Variants in ESYT3 observed in about 807,000 individuals in gnomAD.
ESYT3 encodes the protein extended synaptotagmin 3, also known as extended synaptotagmin-3.
A neutral mutation model predicts 111.5 loss-of-function variants in ESYT3; 101 were observed. That is an observed-to-expected ratio of 0.91 (90% CI 0.77 to 1.07). The LOEUF (loss-of-function observed/expected upper bound fraction) is 1.07, where lower values mean the gene tolerates loss of function less well. Among genes scored for constraint, ESYT3 ranks in the 50% least tolerant of loss-of-function variants. ESYT3 has a pLI of 0.00. For missense variants in ESYT3, 1,097 were observed against 1,109.4 expected, an observed-to-expected ratio of 0.99 and a Z score of 0.16; for synonymous variants, 416 against 446.8, an observed-to-expected ratio of 0.93 and a Z score of 0.87.
chr3:138,458,562 C>T (rs2032432494), intron 4 of ESYT3, among the ~76,000 whole-genome samples: 1 of 152,264 alleles, frequency 6.6e-6, no homozygotes, highest in Non-Finnish European at 1.5e-5. Context: ...GGCTGCCCCT[C>T]TCCCTTCCCT....
intron 18 of ESYT3, 45 bp from the exon 19 acceptor site, chr3:138,473,491 C>T (rs2033336743): frequency 2.6e-6 from 4 of 1,548,004 alleles, no homozygotes; most frequent in Non-Finnish European, 3.6e-6. Context: ...GGAAGAGGGC[C>T]AATGCTTGTT....
chr3:138,435,004 G>T lies in ESYT3; in HGVS notation c.206G>T (p.Trp69Leu). The change falls in exon 1 of 23, where the codon TGG (tryptophan) becomes TTG (leucine). Residue 69 changes from tryptophan to leucine, a missense_variant. Physicochemically the swap from Trp to Leu is moderately conservative, Grantham distance 61. Coordinates refer to ENST00000389567, the MANE Select transcript of ESYT3 (RefSeq NM_031913.5). The surrounding 1 kb of genome is among the most constrained non-coding windows in gnomAD (Gnocchi z 4.8). ...TGGTTGCTGCTCGGCGCCCTGCTGT[G>T]GATGTGGTGGCGCAGGAACCGCCGC... ...ITWLLLGALLWMWWRRNRRGK... is the reference protein window; with the variant it reads ...ITWLLLGALLLMWWRRNRRGK... The T allele has an allele frequency of 1.9e-5, 30 of 1,569,220 alleles. No homozygotes were observed. Among genetic ancestry groups the T allele is most frequent in the Non-Finnish European group, 2.6e-5 (30 of 1,156,796 alleles).
intron 20 of ESYT3, among the ~76,000 whole-genome samples, chr3:138,475,883 G>T (rs763055810): frequency 2.6e-5 from 4 of 152,174 alleles, no homozygotes; most frequent in African/African-American, 9.7e-5. Flanking sequence ...CCAAGATCGC[G>T]CCATTGCACT....
At chr3:138,457,738 C>T (rs2032380762) in intron 4 of ESYT3, 94 bp downstream of exon 4, 6 of 1,229,050 alleles carry the variant, frequency 4.9e-6, no homozygotes, top group Non-Finnish European at 5.9e-6. Flanking sequence ...TATACTCTGA[C>T]TTGGGATGTG....
At position 138,473,583 on chromosome 3, in the gene ESYT3, T is replaced by A. The variant is rs904518860; in HGVS notation, c.2285T>A (p.Val762Glu). 7 of 1,613,898 alleles carry A rather than the reference T, an allele frequency of 4.3e-6. No individual in the cohort carries two copies. The highest frequency in any genetic ancestry group is 5.9e-6 in the Non-Finnish European group (7 of 1,179,872). ...CAGCTGGGTGAGATTCAGCTCACAG[T>A]GCGCTATGTGTGTCTGCGGCGCTGC... ...RRQLGEIQLT[V>E]RYVCLRRCLS... Residue 762 changes from valine (V) to glutamate (E), a missense_variant, in exon 19 of 23, where the codon GTG becomes GAG. Val to Glu is a moderately radical substitution (Grantham distance 121, BLOSUM62 -2). Coordinates refer to ENST00000389567, the MANE Select transcript of ESYT3 (RefSeq NM_031913.5).
downstream of ESYT3, chr3:138,480,058 C>T (rs1169178454): frequency 2.0e-5 from 3 of 152,038 alleles, no homozygotes; most frequent in Non-Finnish European, 4.4e-5. Context: ...TATACAACTT[C>T]CAAATTAGCA....
rs150411096 is a variant in ESYT3, at chr3:138,464,345, G to T, written c.916G>T (p.Gly306Trp). 6.2e-7 allele frequency: 1 copy of T among 1,613,982 alleles called. No homozygotes were observed. The highest frequency in any genetic ancestry group is 8.5e-7 in the Non-Finnish European group (1 of 1,179,914). ...LTNLRFPLPC[G>W]VIRVHLLEAE... is the part of the protein sequence containing the mutation. ...AGCCCTGGGCTTGGACATTTTCCAGGGGGTGATCAGAGTGCACTTGCTGGA... is the reference window on the plus strand; with the variant it reads ...AGCCCTGGGCTTGGACATTTTCCAGTGGGTGATCAGAGTGCACTTGCTGGA... Residue 306 changes from glycine to tryptophan, a missense_variant and splice_region_variant, in exon 9 of 23, where the codon GGG (glycine) becomes TGG (tryptophan). Transcript: ENST00000389567.
intron 7 of ESYT3, among the ~76,000 whole-genome samples, chr3:138,461,543 A>G (rs2032641123): frequency 6.6e-6 from 1 of 152,112 alleles, no homozygotes; most frequent in Non-Finnish European, 1.5e-5. Context: ...CATGGATCTC[A>G]CCCACACTGG....
At chr3:138,449,735 A>G (rs2031800704) in intron 1 of ESYT3, among the ~76,000 whole-genome samples, 1 of 152,232 alleles carries the variant, frequency 6.6e-6, no homozygotes, top group Non-Finnish European at 1.5e-5. Context: ...TGGTGAGGTC[A>G]GCAAGTTCCT....
chr3:138,447,464 G>T (rs571589805), intron 1 of ESYT3, among the ~76,000 whole-genome samples: 1 of 152,166 alleles, frequency 6.6e-6, no homozygotes, highest in African/African-American at 2.4e-5. Flanking sequence ...ATAGAAAAAT[G>T]AGAGCAGAAT....
Position 138,472,444 on chromosome 3 carries a change from A to G in ESYT3, c.1822A>G (p.Lys608Glu), listed in dbSNP as rs1297142909. ...AAAGAAAGGCCCTCTGCTCATCAAG[A>G]AAGTGGCTACCAACCAGGGTCCCAA... ...ALKKGPLLIK[K>E]VATNQGPKAQ... Residue 608 changes from lysine to glutamate, a missense_variant, in exon 18 of 23, where the codon AAA (lysine) becomes GAA (glutamate). By Grantham distance (56) the Lys-to-Glu change is moderately conservative. Transcript: ENST00000389567. 3 of 1,614,206 alleles carry G rather than the reference A, an allele frequency of 1.9e-6. No homozygotes were observed. The highest frequency in any genetic ancestry group is 2.5e-6 in the Non-Finnish European group (3 of 1,180,040).
chr3:138,448,588 CG>C (rs1277959666), intron 1 of ESYT3, among the ~76,000 whole-genome samples: 1 of 151,994 alleles, frequency 6.6e-6, no homozygotes, highest in African/African-American at 2.4e-5. Context: ...AAGACCTAAA[CG>C]TGAAAGCCAA....
rs398040196 is a variant in ESYT3 at position 138,449,082 on chromosome 3, C to CTTTT, written c.328-2949_328-2946dup. 7.0e-4 allele frequency among the ~76,000 whole-genome samples: 79 copies of CTTTT among 113,112 alleles called. 3 individuals are homozygous for CTTTT. In the East Asian group the frequency reaches 7.5e-3, roughly 11 times the overall value. 74.2% of individuals were successfully genotyped at this position (113,112 alleles called of 152,430 possible). On this transcript the variant is annotated intron_variant, in intron 1 of 22. Transcript: ENST00000389567. ...CTGTTGCTGCCTACACTTTCTTTTTCTTTTTTTTTTTTTTTTTTTTGAGAT... is the reference window on the plus strand; with the variant it reads ...CTGTTGCTGCCTACACTTTCTTTTTCTTTTTTTTTTTTTTTTTTTTTTTTGAGAT...
chr3:138,451,562 G>A (rs1255696406), intron 1 of ESYT3, among the ~76,000 whole-genome samples: 1 of 152,246 alleles, frequency 6.6e-6, no homozygotes. Flanking sequence ...GGGTTTCCAG[G>A]TTGGGGGTCC....
chr3:138,466,329 T>C (rs1250498099), intron 10 of ESYT3, among the ~76,000 whole-genome samples: 1 of 152,208 alleles, frequency 6.6e-6, no homozygotes, highest in African/African-American at 2.4e-5. Flanking sequence ...TTTTGAAAAG[T>C]AGAAACAAAA....
chr3:138,469,464 A>G lies in ESYT3; in HGVS notation c.1463A>G (p.Tyr488Cys). The G allele has an allele frequency of 1.2e-6, 2 of 1,614,080 alleles. No individual in the cohort carries two copies. The highest frequency in any genetic ancestry group is 1.6e-4 in the Middle Eastern group (1 of 6,062). ...RNKVSKDPSS[Y>C]VKLSVGKKTH... Reference sequence around the variant, plus strand: ...AAGGTCAGCAAAGACCCTTCTTCCTATGTCAAACTATCTGTAGGCAAGAAG... The same window carrying G: ...AAGGTCAGCAAAGACCCTTCTTCCTGTGTCAAACTATCTGTAGGCAAGAAG... Residue 488 changes from tyrosine (Y) to cysteine (C), a missense_variant, in exon 15 of 23, where the codon TAT (tyrosine) becomes TGT (cysteine). Physicochemically the swap from Tyr to Cys is radical, Grantham distance 194. Coordinates refer to ENST00000389567, the MANE Select transcript of ESYT3 (RefSeq NM_031913.5).
At chr3:138,455,420 A>C in intron 3 of ESYT3, 92 bp downstream of exon 3, 1 of 1,438,898 alleles carries the variant, frequency 6.9e-7, no homozygotes, top group East Asian at 2.3e-5. Flanking sequence ...CAGGTCAGTC[A>C]TATGACTGCA....
intron 4 of ESYT3, among the ~76,000 whole-genome samples, chr3:138,458,474 C>T (rs977440889): frequency 6.6e-6 from 1 of 152,242 alleles, no homozygotes; most frequent in Non-Finnish European, 1.5e-5. Flanking sequence ...CTGGCTCACT[C>T]CTGCCCTTTC....
rs1174333375 is a variant in ESYT3 at position 138,477,379 on chromosome 3, C to T, written c.*525C>T. The T allele has an allele frequency of 1.3e-5, 2 of 152,476 alleles. No individual in the cohort carries two copies. Among genetic ancestry groups the T allele is most frequent in the Non-Finnish European group, 2.9e-5 (2 of 68,248 alleles). The allele number at this position is 152,476 out of a possible 1,614,324, so 9.4% of individuals were successfully genotyped here. ...GCCAAGAGCTAACACTGCCAAAGCC[C>T]TTCTGGCTGCCACCTGTGGTACTTG... On this transcript the variant is annotated 3_prime_UTR_variant, in exon 23 of 23. Coordinates refer to ENST00000389567, the MANE Select transcript of ESYT3 (RefSeq NM_031913.5).
Sources: allele counts gnomAD v4.1 joint callset (sites outside exome capture counted in the v4.1 genomes callset), GRCh38; gene constraint gnomAD v4.1.1; non-coding constraint Gnocchi (gnomAD v3.1); transcripts MANE v1.5; gene names NCBI Gene and HGNC (gene_info 2026-07-23, HGNC 2026-07-21).